OSBPL9: variants seen among roughly 807,000 people sequenced by gnomAD.
OSBPL9 encodes oxysterol-binding protein-related protein 9.
Under a neutral mutation model 106.6 loss-of-function variants are expected in OSBPL9, and 40 were observed. The observed-to-expected ratio is 0.38, with a 90% CI of 0.29 to 0.49. The LOEUF (loss-of-function observed/expected upper bound fraction) is 0.49. Ranked by LOEUF, OSBPL9 falls within the 20% of genes least tolerant of loss-of-function variation. The pLI, the probability that OSBPL9 is intolerant of heterozygous loss-of-function variation, is 0.97. For synonymous variants in OSBPL9, 269 were observed against 295.4 expected (o/e 0.91, Z 0.92); for missense variants, 609 against 887.2 (o/e 0.69, Z 3.98).
At chr1:51,548,167 C>G in the OSBPL9 span, among the ~76,000 whole-genome samples, 1 of 152,082 alleles carries the variant, frequency 6.6e-6, no homozygotes, top group Non-Finnish European at 1.5e-5. Flanking sequence ...TGGAAAGAAA[C>G]ACAAAAAATT....
intron 1 of OSBPL9, among the ~76,000 whole-genome samples, chr1:51,620,424 T>C (rs1644353342): frequency 6.6e-6 from 1 of 151,996 alleles, no homozygotes. Context: ...ACCTATAATA[T>C]GTTGGGGGAC....
intron 1 of OSBPL9, among the ~76,000 whole-genome samples, chr1:51,624,556 G>A (rs1188452956): frequency 6.6e-6 from 1 of 151,922 alleles, no homozygotes; most frequent in African/African-American, 2.4e-5. Flanking sequence ...CTGCACTCTA[G>A]CCTGGGTGAC....
At chr1:51,715,327 G>T (rs1660833496) in intron 4 of OSBPL9, among the ~76,000 whole-genome samples, 1 of 152,346 alleles carries the variant, frequency 6.6e-6, no homozygotes, top group South Asian at 2.1e-4. Flanking sequence ...AAAGCAATTT[G>T]TAATTCCTGT....
chr1:51,529,339 G>A, the OSBPL9 span, among the ~76,000 whole-genome samples: 1 of 151,650 alleles, frequency 6.6e-6, no homozygotes, highest in Non-Finnish European at 1.5e-5. Flanking sequence ...TCCCAGGTTT[G>A]CCATTCTCCT....
intron 1 of OSBPL9, among the ~76,000 whole-genome samples, chr1:51,630,517 A>G (rs1645040719): frequency 2.0e-5 from 3 of 151,778 alleles, no homozygotes; most frequent in Admixed American, 1.3e-4. Flanking sequence ...AATAGGTATA[A>G]AAGATAAAAA....
chr1:51,544,485 G>A, the OSBPL9 span, among the ~76,000 whole-genome samples: 11,813 of 152,192 alleles, frequency 0.078, 522 homozygotes, highest in Middle Eastern at 0.11. Flanking sequence ...TTCGATCAGC[G>A]TGAACACATA....
chr1:51,647,487 G>A (rs1234568051), intron 1 of OSBPL9, among the ~76,000 whole-genome samples: 21 of 152,222 alleles, frequency 1.4e-4, no homozygotes, highest in African/African-American at 2.2e-4. Flanking sequence ...AAGGTATGTC[G>A]TTAATTCTTT....
intron 1 of OSBPL9, among the ~76,000 whole-genome samples, chr1:51,640,797 AT>A (rs1645740269): frequency 6.6e-6 from 1 of 151,088 alleles, no homozygotes; most frequent in African/African-American, 2.4e-5. Context: ...TAATGTAAAG[AT>A]AATTTTTTTT....
chr1:51,526,497 AAG>A, the OSBPL9 span, among the ~76,000 whole-genome samples: 650 of 152,288 alleles, frequency 4.3e-3, 6 homozygotes, highest in African/African-American at 0.015. Flanking sequence ...ATTTCGGGGA[AAG>A]TTAAATGATG....
the OSBPL9 span, among the ~76,000 whole-genome samples, chr1:51,519,824 A>C: frequency 1.3e-5 from 2 of 152,230 alleles, no homozygotes; most frequent in South Asian, 2.1e-4. Flanking sequence ...AACTGTAAAT[A>C]TTTAACCATC....
intron 1 of OSBPL9, among the ~76,000 whole-genome samples, chr1:51,628,690 T>C (rs542343607): frequency 2.0e-5 from 3 of 147,216 alleles, no homozygotes; most frequent in East Asian, 2.0e-4. Flanking sequence ...TTTTCTTTTT[T>C]TTTTTTTTTT....
intron 4 of OSBPL9, 121 bp downstream of exon 4, chr1:51,714,200 A>G: frequency 1.5e-6 from 1 of 654,776 alleles, no homozygotes; most frequent in Non-Finnish European, 2.5e-6. Context: ...ATAATTTCTG[A>G]GTTGCTTATT....
intron 4 of OSBPL9, among the ~76,000 whole-genome samples, chr1:51,738,389 T>G (rs1330945307): frequency 6.6e-6 from 1 of 152,104 alleles, no homozygotes; most frequent in Non-Finnish European, 1.5e-5. Flanking sequence ...TAAACCTTTC[T>G]TTGTAAATTT....
chr1:51,773,093 A>G (rs973450173), intron 14 of OSBPL9, among the ~76,000 whole-genome samples: 1 of 152,162 alleles, frequency 6.6e-6, no homozygotes, highest in Non-Finnish European at 1.5e-5. Context: ...AATTGGACAC[A>G]TAGTAACCTG....
intron 1 of OSBPL9, among the ~76,000 whole-genome samples, chr1:51,642,553 G>T (rs941149043): frequency 2.6e-5 from 4 of 152,166 alleles, no homozygotes; most frequent in Non-Finnish European, 5.9e-5. Flanking sequence ...CACTCTGTAG[G>T]TGGGGGACAA....
intron 12 of OSBPL9, among the ~76,000 whole-genome samples, chr1:51,766,439 T>TA (rs888915268): frequency 1.3e-4 from 20 of 152,196 alleles, no homozygotes; most frequent in African/African-American, 4.8e-4. Context: ...GCTAGGTTGA[T>TA]ATCAAGGTTA....
At chr1:51,646,828 C>A (rs755094242) in intron 1 of OSBPL9, among the ~76,000 whole-genome samples, 32 of 152,170 alleles carry the variant, frequency 2.1e-4, no homozygotes, top group Non-Finnish European at 3.4e-4. Context: ...ATCCATTGCA[C>A]CCAGCCCCCT....
intron 4 of OSBPL9, among the ~76,000 whole-genome samples, chr1:51,737,521 T>C (rs1306848277): frequency 2.0e-5 from 3 of 150,700 alleles, no homozygotes; most frequent in East Asian, 3.9e-4. Flanking sequence ...TTTGTTTCTT[T>C]TGTTTCATGT....
At chr1:51,662,976 C>T (rs1310721063) in intron 2 of OSBPL9, among the ~76,000 whole-genome samples, 5 of 152,054 alleles carry the variant, frequency 3.3e-5, no homozygotes, top group Non-Finnish European at 5.9e-5. Flanking sequence ...GATCACCTGA[C>T]CTCATGATCT....
Sources: allele counts gnomAD v4.1 joint callset (sites outside exome capture counted in the v4.1 genomes callset), GRCh38; gene constraint gnomAD v4.1.1; transcripts MANE v1.5; gene names NCBI Gene and HGNC (gene_info 2026-07-23, HGNC 2026-07-21).